BLTP2: variants seen among roughly 807,000 people sequenced by gnomAD.
BLTP2 encodes bridge-like lipid transfer protein family member 2.
the BLTP2 span, among the ~76,000 whole-genome samples, chr17:28,626,321 C>A: frequency 6.6e-6 from 1 of 152,216 alleles, no homozygotes; most frequent in Non-Finnish European, 1.5e-5. Context: ...TTCTCTCACT[C>A]CTCTCCCTTA....
chr17:28,615,823 GAAAA>G, the BLTP2 span: 12 of 1,598,326 alleles, frequency 7.5e-6, no homozygotes, highest in Non-Finnish European at 9.4e-6. Flanking sequence ...GGAGGGGAAA[GAAAA>G]AAAGAGGGGT....
At chr17:28,640,008 A>G in the BLTP2 span, 1 of 1,613,864 alleles carries the variant, frequency 6.2e-7, no homozygotes, top group Non-Finnish European at 8.5e-7. Flanking sequence ...CAGCAGCTTC[A>G]GAGTCCAAGT....
chr17:28,616,507 T>G, the BLTP2 span: 11 of 1,614,072 alleles, frequency 6.8e-6, no homozygotes, highest in Non-Finnish European at 8.5e-6. This position sits in a 1 kb window ranked among gnomAD's most constrained non-coding sequence, Gnocchi z 4.8. Context: ...ACCACTGGTA[T>G]TCCTATGAAA....
chr17:28,637,435 T>TATATGG, the BLTP2 span, among the ~76,000 whole-genome samples: 1 of 152,218 alleles, frequency 6.6e-6, no homozygotes, highest in East Asian at 1.9e-4. Context: ...AATAAAAAGT[T>TATATGG]ATATGGATCT....
chr17:28,619,662 G>A, the BLTP2 span: 6,264 of 1,613,724 alleles, frequency 3.9e-3, 60 homozygotes, highest in South Asian at 0.024. Flanking sequence ...ACCTGATGAG[G>A]ATATTCAGTT....
At chr17:28,631,863 C>G in the BLTP2 span, 40 of 1,614,040 alleles carry the variant, frequency 2.5e-5, no homozygotes, top group Non-Finnish European at 3.3e-5. Flanking sequence ...AGACATGGCC[C>G]TGACTGCACT....
chr17:28,616,608 A>T, the BLTP2 span: 2 of 1,614,082 alleles, frequency 1.2e-6, no homozygotes, highest in East Asian at 4.5e-5. This position sits in a 1 kb window ranked among gnomAD's most constrained non-coding sequence, Gnocchi z 4.8. Context: ...TCCACCATAA[A>T]AGTTCTCACC....
chr17:28,617,243 C>T, the BLTP2 span: 1 of 1,613,838 alleles, frequency 6.2e-7, no homozygotes, highest in South Asian at 1.1e-5. Context: ...TTATAGACAG[C>T]ATTGGGGAGG....
the BLTP2 span, chr17:28,634,168 T>C: frequency 8.4e-7 from 1 of 1,186,554 alleles, no homozygotes; most frequent in African/African-American, 1.5e-5. Flanking sequence ...TCACCACTAT[T>C]TTACCCATCT....
At chr17:28,623,910 G>C in the BLTP2 span, 8 of 1,614,106 alleles carry the variant, frequency 5.0e-6, no homozygotes, top group Admixed American at 1.7e-5. Flanking sequence ...GCAGCAGTTG[G>C]GCTTTGGCAG....
At chr17:28,639,175 T>C in the BLTP2 span, 4 of 820,362 alleles carry the variant, frequency 4.9e-6, no homozygotes, top group Non-Finnish European at 8.2e-6. Flanking sequence ...GAAAGATATA[T>C]AAAACAGGAT....
the BLTP2 span, chr17:28,643,811 G>T: frequency 1.1e-6 from 1 of 898,022 alleles, no homozygotes; most frequent in Non-Finnish European, 1.8e-6. Context: ...TAAAATCTTC[G>T]ATTTCCTGTT....
chr17:28,639,798 C>G, the BLTP2 span: 1 of 1,472,996 alleles, frequency 6.8e-7, no homozygotes, highest in Admixed American at 1.7e-5. Context: ...CTTCCACTCC[C>G]CAGTTACACT....
chr17:28,615,734 T>C, the BLTP2 span: 17 of 1,614,070 alleles, frequency 1.1e-5, no homozygotes, highest in Non-Finnish European at 1.4e-5. Context: ...CCATGTGTTG[T>C]TGTGGTACTC....
the BLTP2 span, chr17:28,639,585 G>C: frequency 3.1e-6 from 5 of 1,613,962 alleles, no homozygotes; most frequent in Non-Finnish European, 4.2e-6. Flanking sequence ...CTGCACACTA[G>C]CCTTGAGGGA....
At chr17:28,645,040 G>C in the BLTP2 span, 3 of 1,601,428 alleles carry the variant, frequency 1.9e-6, no homozygotes, top group South Asian at 3.4e-5. Flanking sequence ...CAACAGCGCG[G>C]AGAAGAACAG....
chr17:28,631,965 G>A, the BLTP2 span: 7 of 1,607,194 alleles, frequency 4.4e-6, no homozygotes, highest in East Asian at 1.3e-4. Flanking sequence ...GCATGAGAGG[G>A]ATGATTAAGG....
chr17:28,636,953 C>G, the BLTP2 span: 3 of 1,611,498 alleles, frequency 1.9e-6, no homozygotes, highest in Non-Finnish European at 2.5e-6. Flanking sequence ...CACCTCTCCA[C>G]AGGAACATTA....
chr17:28,630,481 T>G, the BLTP2 span, among the ~76,000 whole-genome samples: 1 of 146,550 alleles, frequency 6.8e-6, no homozygotes, highest in African/African-American at 2.5e-5. Context: ...TTTTTTTTTT[T>G]TTTTTTTTTG....
Sources: gnomAD v4.1 joint callset for allele counts (sites outside exome capture counted in the v4.1 genomes callset) on GRCh38, gnomAD v4.1.1 for gene constraint, Gnocchi (gnomAD v3.1) non-coding constraint, MANE v1.5 for transcripts, NCBI Gene and HGNC (gene_info 2026-07-23, HGNC 2026-07-21) for gene names.